The following AHNAK variants were observed in gnomAD, a reference collection of about 807,000 sequenced individuals.
AHNAK encodes the protein neuroblast differentiation-associated protein AHNAK.
In AHNAK, 23 loss-of-function variants were observed where a neutral mutation model predicts 37.8. That is an observed-to-expected ratio of 0.61 (90% confidence interval 0.44 to 0.86). AHNAK has a LOEUF of 0.86. AHNAK is among the 40% of genes least tolerant of loss of function. The pLI is 0.00. For missense variants in AHNAK, 7,411 were observed against 7,319.4 expected, an observed-to-expected ratio of 1.01 and a Z score of -0.46; for synonymous variants, 2,481 against 2,636.3, an observed-to-expected ratio of 0.94 and a Z score of 1.80.
Position 62,533,278 on chromosome 11 carries a change from A to T in AHNAK, c.1139T>A (p.Leu380His). 1 of 1,528,726 alleles carries T rather than the reference A, an allele frequency of 6.5e-7. No individual in the cohort carries two copies. The highest frequency in any genetic ancestry group is 2.3e-5 in the East Asian group (1 of 44,364). 94.7% of individuals were successfully genotyped at this position (1,528,726 alleles called of 1,614,324 possible). A position where few individuals can be genotyped will look rare whatever the true frequency, so the allele number is the denominator to read the frequency against. Residue 380 changes from leucine (L) to histidine (H), a missense_variant, in exon 5 of 5, where the codon CTT becomes CAT. Physicochemically the swap from Leu to His is moderately conservative, Grantham distance 99. Coordinates refer to ENST00000378024, the MANE Select transcript of AHNAK (RefSeq NM_001620.3). ...ACCTTTCAGGCCTAGGTCACCCTCA[A>T]GTGATGGCCCAGTGATTTGGGGGCC... The part of the protein sequence containing the change: ...LKGPQITGPS[L>H]EGDLGLKGAK...
At chr11:62,534,107 C>T (rs1161230619) in intron 4 of AHNAK, 33 bp from the exon 5 acceptor site, 2 of 1,513,728 alleles carry the variant, frequency 1.3e-6, no homozygotes, top group East Asian at 4.6e-5. Flanking sequence ...GAGGTTGCAG[C>T]AGAGTCTGCC....
At chr11:62,463,332 C>A (rs1426339323) in intron 5 of AHNAK, among the ~76,000 whole-genome samples, 1 of 152,064 alleles carries the variant, frequency 6.6e-6, no homozygotes, top group Non-Finnish European at 1.5e-5. Context: ...CGCAAACTGG[C>A]GTCACTTTAA....
At chr11:62,487,946 G>A (rs1435208976) in intron 5 of AHNAK, among the ~76,000 whole-genome samples, 1 of 152,168 alleles carries the variant, frequency 6.6e-6, no homozygotes, top group Admixed American at 6.5e-5. Flanking sequence ...ACGCAAGTTG[G>A]TTTCTAAGGA....
At position 62,529,856 on chromosome 11, in the gene AHNAK, G is replaced by T. The variant is rs781569447; in HGVS notation, c.4561C>A (p.Pro1521Thr). 2.5e-6 allele frequency: 4 copies of T among 1,613,928 alleles called. No homozygotes were observed. The Admixed American group carries it at 6.7e-5, about 27-fold the overall frequency. The change falls in exon 5 of 5, where the codon CCT becomes ACT. Residue 1521 changes from proline to threonine, a missense_variant. By Grantham distance (38) the Pro-to-Thr change is conservative. Transcript: ENST00000378024. ...PKVKMPKFSM[P>T]GFKGEGPEVD... Reference sequence around the variant, plus strand: ...TCTGGGCCCTCTCCTTTAAAGCCAGGCATGCTGAACTTGGGCATTTTTACC... The same window carrying T: ...TCTGGGCCCTCTCCTTTAAAGCCAGTCATGCTGAACTTGGGCATTTTTACC...
intron 4 of AHNAK, among the ~76,000 whole-genome samples, chr11:62,503,289 T>C (rs1343531366): frequency 6.6e-6 from 1 of 152,184 alleles, no homozygotes; most frequent in Non-Finnish European, 1.5e-5. Flanking sequence ...CTTCGGAAAC[T>C]GTAAAACAAC....
Position 62,525,537 on chromosome 11 carries a change from G to T in AHNAK, c.8880C>A (p.Ala2960=). The T allele has an allele frequency of 6.2e-7, 1 of 1,613,708 alleles. No individual in the cohort carries two copies. Among genetic ancestry groups the T allele is most frequent in the Non-Finnish European group, 8.5e-7 (1 of 1,179,968 alleles). ...KFKMPEMNIK[A]PKIPMPDFDL... ...CAAAGTCAGGCATGGGGATCTTGGG[G>T]GCTTTGATATTCATCTCTGGCATCT... is the stretch of plus-strand genomic sequence containing the variant. The change falls in exon 5 of 5, where the codon GCC becomes GCA. Residue 2960 remains alanine, a synonymous_variant. Coordinates refer to ENST00000378024, the MANE Select transcript of AHNAK (RefSeq NM_001620.3).
chr11:62,468,848 TGCTTTTTGTTCTC>T, intron 5 of AHNAK, among the ~76,000 whole-genome samples: 1 of 152,320 alleles, frequency 6.6e-6, no homozygotes, highest in Non-Finnish European at 1.5e-5. Flanking sequence ...ACGACCCATC[TGCTTTTTGTTCTC>T]TGTTTCTGCT....
rs751237086 is a variant in AHNAK at position 62,524,812 on chromosome 11, A to C, written c.9605T>G (p.Leu3202Arg). 1.2e-6 allele frequency: 2 copies of C among 1,614,168 alleles called. No individual in the cohort carries two copies. Among genetic ancestry groups the C allele is most frequent in the South Asian group, 2.2e-5 (2 of 91,074 alleles). The change falls in exon 5 of 5, where the codon CTG becomes CGG. Residue 3202 changes from leucine to arginine, a missense_variant. Physicochemically the swap from Leu to Arg is moderately radical, Grantham distance 102. Coordinates refer to ENST00000378024, the MANE Select transcript of AHNAK (RefSeq NM_001620.3). ...DVNIEGPDAK[L>R]KGPKFKMPEM... The stretch of plus-strand genomic sequence containing the variant: ...TGGCATCTTGAATTTAGGGCCCTTC[A>C]GTTTCGCATCTGGACCTTCAATATT...
At chr11:62,447,238 G>T (rs143332981) in intron 5 of AHNAK, among the ~76,000 whole-genome samples, 5 of 152,250 alleles carry the variant, frequency 3.3e-5, no homozygotes, top group Admixed American at 6.5e-5. Context: ...CCTCCCCTTG[G>T]CTGGAAGAAT....
rs781715082 is a variant in AHNAK, at chr11:62,526,069, C to A, written c.8348G>T (p.Gly2783Val). 20 of 1,613,252 alleles carry A rather than the reference C, an allele frequency of 1.2e-5. No homozygotes were observed. Among genetic ancestry groups the A allele is most frequent in the Non-Finnish European group, 1.7e-5 (20 of 1,179,856 alleles). Residue 2783 changes from glycine (G) to valine (V), a missense_variant, in exon 5 of 5, where the codon GGT becomes GTT. Transcript: ENST00000378024. ...KISMPGFKGE[G>V]PDVDVNLPKA... The stretch of plus-strand genomic sequence containing the variant: ...GGGCAGGTTCACGTCCACATCTGGA[C>A]CTTCTCCTTTGAAGCCAGGCATGCT...
chr11:62,445,019 G>A (rs1210845389), intron 5 of AHNAK, among the ~76,000 whole-genome samples: 1 of 152,056 alleles, frequency 6.6e-6, no homozygotes, highest in Non-Finnish European at 1.5e-5. Context: ...GCCCTCCTTC[G>A]GTCACAGTCC....
At chr11:62,452,911 GCCA>G (rs1352609262) in intron 5 of AHNAK, among the ~76,000 whole-genome samples, 60 of 152,222 alleles carry the variant, frequency 3.9e-4, no homozygotes, top group African/African-American at 1.4e-3. Flanking sequence ...TGTAGTCCCA[GCCA>G]CTTAAGAAGC....
At position 62,516,362 on chromosome 11, in the gene AHNAK, G is replaced by A. The variant is rs1380534916; in HGVS notation, c.*382C>T. ...ACCCTTACTAACAAAAGCCCCCAAAGTCATTACAATGAAAAAGTGGGTTTC... is the reference window on the plus strand; with the variant it reads ...ACCCTTACTAACAAAAGCCCCCAAAATCATTACAATGAAAAAGTGGGTTTC... On this transcript the variant is annotated 3_prime_UTR_variant, in exon 5 of 5. Transcript: ENST00000378024. 6 of 1,270,204 alleles carry A rather than the reference G, an allele frequency of 4.7e-6. No homozygotes were observed. The East Asian group carries it at 3.4e-4, about 72-fold the overall frequency. The allele number at this position is 1,270,204 out of a possible 1,614,324, so 78.7% of individuals were successfully genotyped here. A position where few individuals can be genotyped will look rare whatever the true frequency, so the allele number is the denominator to read the frequency against.
intron 4 of AHNAK, among the ~76,000 whole-genome samples, chr11:62,507,039 A>C (rs1939825390): frequency 6.6e-6 from 1 of 151,354 alleles, no homozygotes. Flanking sequence ...ACACATCTCC[A>C]CTTCCACACT....
Position 62,523,881 on chromosome 11 carries a change from A to G in AHNAK, c.10536T>C (p.Ile3512=), listed in dbSNP as rs1222187788. The change falls in exon 5 of 5, where the codon ATT becomes ATC. Residue 3512 remains isoleucine (I), a synonymous_variant. Coordinates refer to ENST00000378024, the MANE Select transcript of AHNAK (RefSeq NM_001620.3). The part of the protein sequence containing the change: ...DINIEGPSMN[I]EGPDLNVEGP... ...CTTCCACATTGAGATCTGGGCCCTC[A>G]ATGTTCATACTTGGGCCCTCTATGT... 1.6e-5 allele frequency: 26 copies of G among 1,613,896 alleles called. No homozygotes were observed. The highest frequency in any genetic ancestry group is 2.0e-5 in the Non-Finnish European group (24 of 1,180,002).
chr11:62,529,040 G>A lies in AHNAK; in HGVS notation c.5377C>T (p.Pro1793Ser). Residue 1793 changes from proline to serine, a missense_variant, in exon 5 of 5, where the codon CCC becomes TCC. Physicochemically the swap from Pro to Ser is moderately conservative, Grantham distance 74. Coordinates refer to ENST00000378024, the MANE Select transcript of AHNAK (RefSeq NM_001620.3). ...MPDVDLNLKGPKLKGEIDASV... is the reference protein window; with the variant it reads ...MPDVDLNLKGSKLKGEIDASV... ...GCATCTATCTCTCCCTTCAGTTTGG[G>A]TCCCTTCAAATTCAAGTCCACATCT... The A allele has an allele frequency of 6.2e-7, 1 of 1,614,112 alleles. No individual in the cohort carries two copies. The highest frequency in any genetic ancestry group is 8.5e-7 in the Non-Finnish European group (1 of 1,180,028).
intron 5 of AHNAK, among the ~76,000 whole-genome samples, chr11:62,473,892 C>T (rs149913034): frequency 7.1e-4 from 108 of 151,266 alleles, no homozygotes; most frequent in African/African-American, 2.4e-3. Context: ...CTCAGCTACT[C>T]GGGAGGCTAA....
In AHNAK at chr11:62,522,105, A is replaced by G. The variant is rs763996801; in HGVS notation, c.12312T>C (p.Asp4104=). 12 of 1,613,542 alleles carry G rather than the reference A, an allele frequency of 7.4e-6. No homozygotes were observed. Among genetic ancestry groups the G allele is most frequent in the East Asian group, 6.7e-5 (3 of 44,842 alleles). The change falls in exon 5 of 5, where the codon GAT becomes GAC. Residue 4104 remains aspartate, a synonymous_variant. Transcript: ENST00000378024. ...PKVDIDTPDI[D]IHGPEGKLKG... is the part of the protein sequence containing the mutation. The stretch of plus-strand genomic sequence containing the variant: ...TCAGTTTCCCTTCTGGACCATGAAT[A>G]TCAATATCAGGAGTGTCAATGTCCA...
intron 1 of AHNAK, chr11:62,545,487 C>G (rs970247752): frequency 6.5e-6 from 1 of 153,026 alleles, no homozygotes; most frequent in Non-Finnish European, 1.5e-5. Context: ...CCAGGGACGG[C>G]CCAGGCCCTC....
Sources: gnomAD v4.1 joint callset for allele counts (sites outside exome capture counted in the v4.1 genomes callset) on GRCh38, gnomAD v4.1.1 for gene constraint, MANE v1.5 for transcripts, NCBI Gene and HGNC (gene_info 2026-07-23, HGNC 2026-07-21) for gene names.